The following FMN2 variants were observed in gnomAD, a reference collection of about 807,000 sequenced individuals.
The protein encoded by FMN2 is formin-2.
In FMN2, 51 loss-of-function variants were observed where a neutral mutation model predicts 142.3. The ratio of observed to expected loss-of-function variants is 0.36; its 90% CI spans 0.29 to 0.45. The LOEUF is 0.45. Ranked by LOEUF, FMN2 falls within the 20% of genes least tolerant of loss-of-function variation. The pLI is 1.00. For missense variants in FMN2, 1,936 were observed against 2,122.8 expected, an observed-to-expected ratio of 0.91 and a Z score of 1.73; for synonymous variants, 882 against 869.8, an observed-to-expected ratio of 1.01 and a Z score of -0.25.
chr1:240,325,553 G>GAAATGTATTT (rs112290126), intron 8 of FMN2, among the ~76,000 whole-genome samples: 1 of 151,784 alleles, frequency 6.6e-6, no homozygotes, highest in Non-Finnish European at 1.5e-5. Context: ...CCTAGTGTCA[G>GAAATGTATTT]TTAACTCCAA....
chr1:240,326,796 TCTTTC>T (rs1306782486), intron 8 of FMN2, among the ~76,000 whole-genome samples: 1 of 152,098 alleles, frequency 6.6e-6, no homozygotes, highest in Non-Finnish European at 1.5e-5. Flanking sequence ...TGGTAGAAAC[TCTTTC>T]CTTTAAGACA....
intron 16 of FMN2, among the ~76,000 whole-genome samples, chr1:240,439,948 T>C (rs1675552018): frequency 6.6e-6 from 1 of 152,156 alleles, no homozygotes; most frequent in Non-Finnish European, 1.5e-5. Context: ...TTGAAACTTA[T>C]TTACACTAAG....
intron 16 of FMN2, among the ~76,000 whole-genome samples, chr1:240,443,815 A>G (rs1436323641): frequency 6.6e-6 from 1 of 152,028 alleles, no homozygotes; most frequent in Non-Finnish European, 1.5e-5. Flanking sequence ...GGAGACTAAC[A>G]TTTATTCTAC....
chr1:240,150,498 T>G (rs1030544462), intron 2 of FMN2, among the ~76,000 whole-genome samples: 1 of 152,202 alleles, frequency 6.6e-6, no homozygotes, highest in Admixed American at 6.5e-5. Context: ...CCTTGTTAGA[T>G]CAAGGCTTTA....
chr1:240,461,934 TGG>T (rs1676464043), intron 16 of FMN2, among the ~76,000 whole-genome samples: 1 of 152,224 alleles, frequency 6.6e-6, no homozygotes. Flanking sequence ...GGCCTTTTTC[TGG>T]GTATCTGTGA....
chr1:240,368,011 G>A (rs1174728212), intron 14 of FMN2, among the ~76,000 whole-genome samples: 1 of 152,024 alleles, frequency 6.6e-6, no homozygotes, highest in East Asian at 1.9e-4. Flanking sequence ...CTAATATGCT[G>A]TACCATTTCT....
At chr1:240,448,293 C>T (rs1305894138) in intron 16 of FMN2, among the ~76,000 whole-genome samples, 1 of 152,106 alleles carries the variant, frequency 6.6e-6, no homozygotes, top group African/African-American at 2.4e-5. Context: ...TGGTGCTTTC[C>T]CTGTGTAAAC....
chr1:240,444,864 A>G (rs1044052881), intron 16 of FMN2, among the ~76,000 whole-genome samples: 2 of 152,386 alleles, frequency 1.3e-5, no homozygotes, highest in East Asian at 1.9e-4. Context: ...TTGAAAATAC[A>G]TCTGAAGAAT....
At chr1:240,153,385 G>GTT (rs58725251) in intron 2 of FMN2, among the ~76,000 whole-genome samples, 34,573 of 124,166 alleles carry the variant, frequency 0.28, 5,751 homozygotes, top group Admixed American at 0.36. Flanking sequence ...TGTATTTACA[G>GTT]TTTTTTTTTT....
Position 240,211,107 on chromosome 1 carries a change from C to T in FMN2, c.3937C>T (p.Leu1313Phe), listed in dbSNP as rs768033065. Residue 1313 changes from leucine to phenylalanine, a missense_variant, in exon 6 of 18, where the codon CTT (leucine) becomes TTT (phenylalanine). Around this residue, in one of 8 missense-constraint regions of FMN2, gnomAD observed 259 missense variants for 230.9 expected, o/e 1.12. Coordinates refer to ENST00000319653, the MANE Select transcript of FMN2 (RefSeq NM_020066.5). ...LHSKRDSSTS[L>F]IWEKIEEPSI... ...TAATTTTAGAGACTCCAGTACTTCA[C>T]TTATTTGGGAAAAAATTGAAGAGCC... 2.5e-6 allele frequency: 4 copies of T among 1,612,020 alleles called. No individual in the cohort carries two copies. The highest frequency in any genetic ancestry group is 2.5e-6 in the Non-Finnish European group (3 of 1,179,686).
intron 7 of FMN2, among the ~76,000 whole-genome samples, chr1:240,269,836 CTGT>C (rs1258998045): frequency 6.6e-6 from 1 of 151,776 alleles, no homozygotes; most frequent in East Asian, 1.9e-4. Context: ...CTTTTTCAGA[CTGT>C]TGTTAGTGTA....
At chr1:240,170,700 A>G (rs1664664913) in intron 2 of FMN2, 1 of 1,560,806 alleles carries the variant, frequency 6.4e-7, no homozygotes. Flanking sequence ...GTGGCATTTC[A>G]GCTGGTTATG....
At chr1:240,403,862 T>C (rs2103114086) in intron 15 of FMN2, among the ~76,000 whole-genome samples, 1 of 152,300 alleles carries the variant, frequency 6.6e-6, no homozygotes, top group Non-Finnish European at 1.5e-5. Flanking sequence ...GAGAATACAC[T>C]ACATTCCCTC....
At chr1:240,370,831 GAAT>G (rs1672839920) in intron 14 of FMN2, among the ~76,000 whole-genome samples, 1 of 152,108 alleles carries the variant, frequency 6.6e-6, no homozygotes, top group Non-Finnish European at 1.5e-5. Flanking sequence ...GGAAAAGATT[GAAT>G]AATGTTAGTA....
chr1:240,384,432 C>T (rs910108849), intron 14 of FMN2, among the ~76,000 whole-genome samples: 4 of 152,108 alleles, frequency 2.6e-5, no homozygotes, highest in Non-Finnish European at 4.4e-5. Context: ...GCATTTTTGC[C>T]AGCTCTTTTC....
At chr1:240,425,638 C>G (rs1194233556) in intron 15 of FMN2, among the ~76,000 whole-genome samples, 1 of 152,148 alleles carries the variant, frequency 6.6e-6, no homozygotes, top group African/African-American at 2.4e-5. Context: ...AAAGGGTTTA[C>G]CCTGATCAGG....
chr1:240,437,549 A>G lies in FMN2; in HGVS notation c.4911-512A>G, dbSNP rs369219151. Among the ~76,000 whole-genome samples the G allele has an allele frequency of 4.9e-3, 738 of 151,936 alleles. 4 individuals carry two copies. Among genetic ancestry groups the G allele is most frequent in the African/African-American group, 0.017 (697 of 41,462 alleles). On this transcript the variant is annotated intron_variant, in intron 15 of 17. Coordinates refer to ENST00000319653, the MANE Select transcript of FMN2 (RefSeq NM_020066.5). Reference sequence around the variant, plus strand: ...GATCTCCTGACCTCGTGATCCACCCACCTTGGCCTCCCAAAGTGCTGGGAT... The same window carrying G: ...GATCTCCTGACCTCGTGATCCACCCGCCTTGGCCTCCCAAAGTGCTGGGAT...
intron 1 of FMN2, among the ~76,000 whole-genome samples, chr1:240,122,018 A>G (rs939690656): frequency 6.6e-6 from 1 of 151,808 alleles, no homozygotes; most frequent in African/African-American, 2.4e-5. Context: ...TTCCTTCGAG[A>G]ACCATCTGCA....
chr1:240,359,594 T>C (rs972061608), intron 14 of FMN2, among the ~76,000 whole-genome samples: 1 of 152,192 alleles, frequency 6.6e-6, no homozygotes, highest in African/African-American at 2.4e-5. Context: ...CCTCCCTATC[T>C]TCCTAGTTCT....
Sources: gnomAD v4.1 joint callset for allele counts (sites outside exome capture counted in the v4.1 genomes callset) on GRCh38, gnomAD v4.1.1 for gene constraint, gnomAD v4.1.1 regional missense constraint, MANE v1.5 for transcripts, NCBI Gene and HGNC (gene_info 2026-07-23, HGNC 2026-07-21) for gene names.